Variants in SGSM1 observed in about 807,000 individuals in gnomAD.
SGSM1 encodes the protein small G protein signaling modulator 1.
In SGSM1, 73 loss-of-function variants were observed where a neutral mutation model predicts 133.8. The ratio of observed to expected loss-of-function variants is 0.55; its 90% CI spans 0.45 to 0.66. The LOEUF is 0.66. SGSM1 is among the 30% of genes least tolerant of loss of function. The pLI, the probability that SGSM1 is intolerant of heterozygous loss-of-function variation, is 0.00. For synonymous variants in SGSM1, 563 were observed against 573.0 expected, an observed-to-expected ratio of 0.98 and a Z score of 0.25; for missense variants, 1,213 against 1,448.1, an observed-to-expected ratio of 0.84 and a Z score of 2.64.
chr22:24,903,406 ACCATGTTG>A (rs1368329946), intron 20 of SGSM1, among the ~76,000 whole-genome samples: 1 of 151,826 alleles, frequency 6.6e-6, no homozygotes, highest in Non-Finnish European at 1.5e-5. Context: ...ATGGGGTTTC[ACCATGTTG>A]CCCAGGCTGG....
intron 2 of SGSM1, among the ~76,000 whole-genome samples, chr22:24,817,626 C>G (rs1378561019): frequency 3.3e-5 from 5 of 152,110 alleles, no homozygotes; most frequent in East Asian, 1.9e-4. Context: ...GCTGGGATTA[C>G]AGGCGTGAGC....
chr22:24,900,891 T>C (rs1044166713), intron 19 of SGSM1, among the ~76,000 whole-genome samples: 2 of 152,154 alleles, frequency 1.3e-5, no homozygotes, highest in African/African-American at 4.8e-5. Flanking sequence ...TGCTGTACTA[T>C]TTAAGACCCA....
rs532735571 is a variant in SGSM1, at chr22:24,925,790, A to T, written c.*1516A>T. 1 of 152,430 alleles carries T rather than the reference A, an allele frequency of 6.6e-6. No homozygotes were observed. The highest frequency in any genetic ancestry group is 1.5e-5 in the Non-Finnish European group (1 of 68,120). 9.4% of individuals were successfully genotyped at this position (152,430 alleles called of 1,614,324 possible). On this transcript the variant is annotated 3_prime_UTR_variant, in exon 25 of 25. Coordinates refer to ENST00000400358, the MANE Select transcript of SGSM1 (RefSeq NM_001098497.3). ...AGGGTGATGTCTGTTTTCCTTGGGAAACATCTGCTGATGAACTGGGTCCAG... is the reference window on the plus strand; with the variant it reads ...AGGGTGATGTCTGTTTTCCTTGGGATACATCTGCTGATGAACTGGGTCCAG...
Position 24,808,366 on chromosome 22 carries a change from G to A in SGSM1, c.63+1882G>A, listed in dbSNP as rs547917024. Among the ~76,000 whole-genome samples the A allele has an allele frequency of 1.1e-4, 16 of 152,048 alleles. 1 individual carries two copies. In the South Asian group the frequency reaches 1.7e-3, roughly 16 times the overall value. On this transcript the variant is annotated intron_variant, in intron 2 of 24. Transcript: ENST00000400358. ...TCCTGACCTCGTGATCGCCTGCCTC[G>A]GCCTCCCAAAGTGCTGGAATTACAG...
At chr22:24,921,949 C>T (rs903542989) in intron 24 of SGSM1, among the ~76,000 whole-genome samples, 3 of 152,066 alleles carry the variant, frequency 2.0e-5, no homozygotes, top group African/African-American at 7.2e-5. Flanking sequence ...GATCTGCCCA[C>T]CTCAGCTTCC....
At chr22:24,915,907 G>A (rs1933804041) in intron 22 of SGSM1, among the ~76,000 whole-genome samples, 1 of 151,928 alleles carries the variant, frequency 6.6e-6, no homozygotes, top group East Asian at 1.9e-4. Context: ...CATATGCTTT[G>A]CCCATTTTCT....
Position 24,850,449 on chromosome 22 carries a change from T to G in SGSM1, c.455+17T>G, listed in dbSNP as rs748219268. 4 of 1,613,012 alleles carry G rather than the reference T, an allele frequency of 2.5e-6. No homozygotes were observed. In the Admixed American group the frequency reaches 6.7e-5, roughly 27 times the overall value. On this transcript the variant is annotated intron_variant, in intron 5 of 24. Coordinates refer to ENST00000400358, the MANE Select transcript of SGSM1 (RefSeq NM_001098497.3). The stretch of plus-strand genomic sequence containing the variant: ...AAACAGCAGGTGAGAGGGAAAGACC[T>G]GACACCTGGCCATGCTCTGCCCCCA...
chr22:24,884,087 A>C lies in SGSM1; in HGVS notation c.1530A>C (p.Arg510Ser). ...LAYCRHLSTV[R>S]THLSALVNHM... ...ACTGCAGACACCTGTCCACCGTGAG[A>C]ACCCACCTATCAGCCCTGGTCAATC... Residue 510 changes from arginine to serine, a missense_variant, in exon 15 of 25, where the codon AGA becomes AGC. Arg to Ser is a moderately radical substitution (Grantham distance 110). Transcript: ENST00000400358. The C allele has an allele frequency of 6.2e-7, 1 of 1,613,448 alleles. No individual in the cohort carries two copies. The highest frequency in any genetic ancestry group is 8.5e-7 in the Non-Finnish European group (1 of 1,179,700).
At chr22:24,877,348 A>G (rs1932074141) in intron 13 of SGSM1, among the ~76,000 whole-genome samples, 1 of 152,168 alleles carries the variant, frequency 6.6e-6, no homozygotes. Context: ...AGTGGCCAGA[A>G]TGTGGCACCT....
chr22:24,855,886 T>C (rs769110472), intron 8 of SGSM1: 3 of 759,276 alleles, frequency 4.0e-6, no homozygotes, highest in Non-Finnish European at 6.8e-6. Flanking sequence ...CCCATTGTTA[T>C]ATCCATCCAT....
intron 12 of SGSM1, among the ~76,000 whole-genome samples, chr22:24,875,914 C>T (rs543812026): frequency 6.6e-6 from 1 of 152,292 alleles, no homozygotes; most frequent in South Asian, 2.1e-4. Flanking sequence ...AATATACCTG[C>T]TGTATCAAAA....
At chr22:24,865,581 T>C (rs1007263258) in intron 9 of SGSM1, among the ~76,000 whole-genome samples, 5 of 152,148 alleles carry the variant, frequency 3.3e-5, no homozygotes, top group Non-Finnish European at 7.4e-5. Flanking sequence ...AGGAACTGGC[T>C]AAGGTCTCTG....
intron 10 of SGSM1, among the ~76,000 whole-genome samples, chr22:24,867,580 C>T (rs1363371495): frequency 6.6e-6 from 1 of 152,214 alleles, no homozygotes; most frequent in African/African-American, 2.4e-5. Context: ...TATAAGGGCA[C>T]ACAGTCTGGA....
chr22:24,812,412 A>G (rs552220540), intron 2 of SGSM1, among the ~76,000 whole-genome samples: 1 of 152,212 alleles, frequency 6.6e-6, no homozygotes, highest in Non-Finnish European at 1.5e-5. Flanking sequence ...GTCCGTGGAG[A>G]AGTCAGGATT....
chr22:24,836,168 A>G (rs1220095856), intron 2 of SGSM1, among the ~76,000 whole-genome samples: 2 of 151,640 alleles, frequency 1.3e-5, no homozygotes, highest in African/African-American at 2.4e-5. Flanking sequence ...AAATTTGACT[A>G]CTCTAAGTAC....
At chr22:24,907,761 A>C (rs1267015932) in intron 21 of SGSM1, among the ~76,000 whole-genome samples, 1 of 151,774 alleles carries the variant, frequency 6.6e-6, no homozygotes, top group African/African-American at 2.4e-5. Flanking sequence ...AAATGCAAAA[A>C]ATTAGCTGGG....
chr22:24,888,887 C>T (rs1180105104), intron 16 of SGSM1, among the ~76,000 whole-genome samples: 2 of 149,458 alleles, frequency 1.3e-5, no homozygotes, highest in Admixed American at 6.7e-5. Flanking sequence ...CAGTACCACT[C>T]TGTCTTGATT....
chr22:24,840,723 A>G (rs551056415), intron 2 of SGSM1, among the ~76,000 whole-genome samples: 2 of 152,012 alleles, frequency 1.3e-5, no homozygotes, highest in Admixed American at 1.3e-4. Flanking sequence ...GTGTGCAGGT[A>G]ACTTGTTTCT....
chr22:24,826,736 G>T (rs767843727), intron 2 of SGSM1, among the ~76,000 whole-genome samples: 1 of 152,148 alleles, frequency 6.6e-6, no homozygotes, highest in South Asian at 2.1e-4. Context: ...GCTCTCTGAG[G>T]GGGAGATATT....
Sources: gnomAD v4.1 joint callset for allele counts (sites outside exome capture counted in the v4.1 genomes callset) on GRCh38, gnomAD v4.1.1 for gene constraint, MANE v1.5 for transcripts, NCBI Gene and HGNC (gene_info 2026-07-23, HGNC 2026-07-21) for gene names.